Variants in FSTL5 observed in about 807,000 individuals in gnomAD.
FSTL5 encodes the protein follistatin like 5.
A neutral mutation model predicts 89.1 loss-of-function variants in FSTL5; 62 were observed. The ratio of observed to expected loss-of-function variants is 0.70; its 90% confidence interval spans 0.57 to 0.86. The LOEUF is 0.86. Among genes scored for constraint, FSTL5 ranks in the 40% least tolerant of loss-of-function variants. The pLI is 0.00. For missense variants in FSTL5, 1,057 were observed against 1,001.6 expected, an observed-to-expected ratio of 1.06 and a Z score of -0.75; for synonymous variants, 383 against 346.2, an observed-to-expected ratio of 1.11 and a Z score of -1.18.
intron 8 of FSTL5, among the ~76,000 whole-genome samples, chr4:161,555,629 G>C (rs1189949455): frequency 6.6e-6 from 1 of 151,514 alleles, no homozygotes; most frequent in Non-Finnish European, 1.5e-5. Flanking sequence ...CTGCTATGCT[G>C]TAAGGGATAA....
At chr4:161,673,706 G>C (rs1245590919) in intron 6 of FSTL5, among the ~76,000 whole-genome samples, 1 of 151,834 alleles carries the variant, frequency 6.6e-6, no homozygotes, top group Non-Finnish European at 1.5e-5. Flanking sequence ...ATTTAAGCCT[G>C]AGTTTATTAT....
At chr4:161,650,336 C>T (rs937321901) in intron 7 of FSTL5, among the ~76,000 whole-genome samples, 12 of 152,124 alleles carry the variant, frequency 7.9e-5, no homozygotes, top group African/African-American at 1.7e-4. Flanking sequence ...AAGTGCCAAA[C>T]TTACCAAATA....
At chr4:161,694,469 T>C (rs926185217) in intron 6 of FSTL5, among the ~76,000 whole-genome samples, 1 of 152,090 alleles carries the variant, frequency 6.6e-6, no homozygotes, top group Non-Finnish European at 1.5e-5. Flanking sequence ...ATAATTTCTG[T>C]TTGTTATTGA....
At chr4:161,388,659 A>T (rs183459699) in intron 15 of FSTL5, among the ~76,000 whole-genome samples, 2 of 152,212 alleles carry the variant, frequency 1.3e-5, no homozygotes, top group African/African-American at 2.4e-5. Flanking sequence ...GTTGAAAAAT[A>T]TCCTTCTGTT....
At chr4:161,704,221 C>T (rs982789517) in intron 6 of FSTL5, among the ~76,000 whole-genome samples, 1 of 152,068 alleles carries the variant, frequency 6.6e-6, no homozygotes, top group South Asian at 2.1e-4. Flanking sequence ...ACCCAGAAGC[C>T]CCCTCCCTGC....
At chr4:161,809,818 G>A in intron 4 of FSTL5, among the ~76,000 whole-genome samples, 1 of 152,190 alleles carries the variant, frequency 6.6e-6, no homozygotes, top group East Asian at 1.9e-4. Context: ...TTGCAGCTAG[G>A]ATAGGTGGGG....
intron 4 of FSTL5, among the ~76,000 whole-genome samples, chr4:161,869,141 A>G (rs546652774): frequency 6.6e-6 from 1 of 151,784 alleles, no homozygotes; most frequent in East Asian, 1.9e-4. Context: ...CGGAGGTTGC[A>G]GTGAGCCGAG....
intron 15 of FSTL5, among the ~76,000 whole-genome samples, chr4:161,437,993 C>A (rs74813987): frequency 6.6e-6 from 1 of 152,022 alleles, no homozygotes; most frequent in African/African-American, 2.4e-5. Flanking sequence ...CTCATGTTGG[C>A]GGAGGATTAA....
At chr4:161,832,298 C>T (rs1264779501) in intron 4 of FSTL5, among the ~76,000 whole-genome samples, 3 of 152,062 alleles carry the variant, frequency 2.0e-5, no homozygotes, top group African/African-American at 7.2e-5. Context: ...TGAGACGATC[C>T]TTCCAGATAG....
At chr4:161,763,873 T>C (rs1484124089) in intron 5 of FSTL5, among the ~76,000 whole-genome samples, 2 of 152,214 alleles carry the variant, frequency 1.3e-5, no homozygotes, top group Non-Finnish European at 2.9e-5. Flanking sequence ...GGGTATTAGA[T>C]GTATGCTTCT....
intron 6 of FSTL5, among the ~76,000 whole-genome samples, chr4:161,684,734 C>A (rs139267380): frequency 1.0e-3 from 158 of 152,066 alleles, no homozygotes; most frequent in Admixed American, 3.0e-3. Flanking sequence ...ACTCTGTTGA[C>A]TGTTCCTTTT....
At chr4:161,748,169 A>C (rs1440612441) in intron 6 of FSTL5, among the ~76,000 whole-genome samples, 2 of 152,294 alleles carry the variant, frequency 1.3e-5, no homozygotes, top group Non-Finnish European at 2.9e-5. Flanking sequence ...GTATAAAAGT[A>C]TAAAGATGGA....
chr4:161,916,014 AAAAG>A (rs1733828508), intron 4 of FSTL5, among the ~76,000 whole-genome samples: 1 of 152,138 alleles, frequency 6.6e-6, no homozygotes, highest in Admixed American at 6.5e-5. Flanking sequence ...TCTTAAAAAA[AAAAG>A]AAAGAAGAAA....
At chr4:161,897,019 G>A (rs1030061450) in intron 4 of FSTL5, among the ~76,000 whole-genome samples, 27 of 151,972 alleles carry the variant, frequency 1.8e-4, no homozygotes, top group African/African-American at 5.8e-4. Flanking sequence ...TGCAACCTCC[G>A]CCTCCTGGGC....
intron 4 of FSTL5, among the ~76,000 whole-genome samples, chr4:161,907,635 G>A (rs1219449380): frequency 6.6e-6 from 1 of 152,056 alleles, no homozygotes; most frequent in African/African-American, 2.4e-5. Flanking sequence ...CATGGGTGCT[G>A]ATACTATCAC....
At chr4:161,426,936 A>T (rs1301768502) in intron 15 of FSTL5, among the ~76,000 whole-genome samples, 1 of 152,222 alleles carries the variant, frequency 6.6e-6, no homozygotes, top group Non-Finnish European at 1.5e-5. Context: ...CATCAATACT[A>T]TGACAACAGA....
intron 3 of FSTL5, among the ~76,000 whole-genome samples, chr4:161,987,489 T>A (rs1349785307): frequency 3.5e-5 from 5 of 143,630 alleles, no homozygotes; most frequent in Admixed American, 6.9e-5. Context: ...TATATATACA[T>A]ACATATATAA....
intron 6 of FSTL5, among the ~76,000 whole-genome samples, chr4:161,712,656 G>T (rs1162656742): frequency 2.0e-5 from 3 of 152,132 alleles, no homozygotes; most frequent in Admixed American, 6.6e-5. Context: ...AGCAGGAGGG[G>T]TTTGGCTCAC....
At chr4:161,694,511 C>T (rs1738068553) in intron 6 of FSTL5, among the ~76,000 whole-genome samples, 1 of 152,002 alleles carries the variant, frequency 6.6e-6, no homozygotes, top group Non-Finnish European at 1.5e-5. Context: ...TCATACCCTG[C>T]TTTTCATTAT....
Sources: allele counts gnomAD v4.1 joint callset (sites outside exome capture counted in the v4.1 genomes callset), GRCh38; gene constraint gnomAD v4.1.1; transcripts MANE v1.5; gene names NCBI Gene and HGNC (gene_info 2026-07-23, HGNC 2026-07-21).